THADA: variants seen among roughly 807,000 people sequenced by gnomAD.
THADA encodes THADA armadillo repeat containing.
In THADA, 213 loss-of-function variants were observed where a neutral mutation model predicts 219.8. That is an observed-to-expected ratio of 0.97 (90% CI 0.87 to 1.09). The LOEUF (loss-of-function observed/expected upper bound fraction) is 1.09, where lower values mean the gene tolerates loss of function less well. THADA is among the 50% of genes least tolerant of loss of function. The probability of loss-of-function intolerance (pLI) is 0.00; values close to 1 mark genes in which losing one functional copy is unlikely to be tolerated. For missense variants in THADA, 2,956 were observed against 2,311.3 expected, an observed-to-expected ratio of 1.28 and a Z score of -5.72; for synonymous variants, 1,018 against 828.9, an observed-to-expected ratio of 1.23 and a Z score of -3.92.
At chr2:43,345,720 C>A (rs1018489702) in intron 29 of THADA, among the ~76,000 whole-genome samples, 1 of 152,182 alleles carries the variant, frequency 6.6e-6, no homozygotes, top group African/African-American at 2.4e-5. Flanking sequence ...TTCTCTACAG[C>A]TGCACAAAAC....
intron 7 of THADA, among the ~76,000 whole-genome samples, chr2:43,583,423 C>T (rs578177002): frequency 6.6e-6 from 1 of 152,202 alleles, no homozygotes; most frequent in Non-Finnish European, 1.5e-5. Flanking sequence ...ACTGGTCTCT[C>T]GCAGCTTCTG....
At chr2:43,554,704 G>C (rs375915104) in intron 17 of THADA, among the ~76,000 whole-genome samples, 1 of 152,158 alleles carries the variant, frequency 6.6e-6, no homozygotes, top group African/African-American at 2.4e-5. Flanking sequence ...GTTGGTGAGA[G>C]TGTAATTTAA....
At chr2:43,578,851 T>C (rs1327464294) in intron 8 of THADA, among the ~76,000 whole-genome samples, 2 of 152,158 alleles carry the variant, frequency 1.3e-5, no homozygotes, top group Non-Finnish European at 2.9e-5. Flanking sequence ...AAACGCTTTT[T>C]AGAAGGAGTC....
Position 43,292,977 on chromosome 2 carries a change from G to T in THADA, c.4675C>A (p.Leu1559Ile). 6.2e-7 allele frequency: 1 copy of T among 1,614,030 alleles called. No individual in the cohort carries two copies. Among genetic ancestry groups the T allele is most frequent in the African/African-American group, 1.3e-5 (1 of 75,054 alleles). Reference sequence around the variant, plus strand: ...TTTTCCAAGAGGGCTTCCAGTGTTAGTGAGCGCACTTCAGGGAAGGCAGAT... The same window carrying T: ...TTTTCCAAGAGGGCTTCCAGTGTTATTGAGCGCACTTCAGGGAAGGCAGAT... Reference protein sequence around the residue: ...LESAFPEVRSLTLEALLEKFL... With the variant: ...LESAFPEVRSITLEALLEKFL... The change falls in exon 32 of 38, where the codon CTA becomes ATA. Residue 1559 changes from leucine to isoleucine, a missense_variant. Coordinates refer to ENST00000405975, the MANE Select transcript of THADA (RefSeq NM_022065.5).
intron 26 of THADA, among the ~76,000 whole-genome samples, chr2:43,460,634 A>C (rs2104927392): frequency 6.6e-6 from 1 of 152,330 alleles, no homozygotes; most frequent in Middle Eastern, 3.4e-3. Flanking sequence ...ACTCGTACAT[A>C]AAAGATACAA....
intron 26 of THADA, among the ~76,000 whole-genome samples, chr2:43,474,584 G>A (rs936970086): frequency 6.6e-6 from 1 of 152,128 alleles, no homozygotes; most frequent in African/African-American, 2.4e-5. Flanking sequence ...AAAAAATGTT[G>A]AATCATCTAA....
chr2:43,400,019 T>C (rs1176840201), intron 28 of THADA, among the ~76,000 whole-genome samples: 2 of 152,248 alleles, frequency 1.3e-5, no homozygotes, highest in Admixed American at 1.3e-4. Flanking sequence ...ACACTTTGTG[T>C]TACACTGTGT....
At chr2:43,271,906 C>T (rs771944077) in intron 36 of THADA, among the ~76,000 whole-genome samples, 1 of 152,122 alleles carries the variant, frequency 6.6e-6, no homozygotes, top group Non-Finnish European at 1.5e-5. Context: ...TGAGCCACCA[C>T]GCCCGGCCTC....
chr2:43,548,053 T>A (rs1291213953), intron 20 of THADA, among the ~76,000 whole-genome samples: 1 of 152,200 alleles, frequency 6.6e-6, no homozygotes, highest in Non-Finnish European at 1.5e-5. Context: ...GGTGTGGATG[T>A]CCTTTCTGTT....
chr2:43,481,458 TTTCA>T (rs1242988114), intron 26 of THADA, among the ~76,000 whole-genome samples: 1 of 152,210 alleles, frequency 6.6e-6, no homozygotes, highest in Non-Finnish European at 1.5e-5. Context: ...TTTGTTCCTC[TTTCA>T]ATCTACCTGT....
At chr2:43,353,656 T>G (rs180841049) in intron 29 of THADA, among the ~76,000 whole-genome samples, 58 of 152,218 alleles carry the variant, frequency 3.8e-4, no homozygotes, top group Non-Finnish European at 6.6e-4. Context: ...TTTTCACATT[T>G]TATTTTATTT....
In THADA at chr2:43,578,591, A is replaced by G; in HGVS notation, c.738T>C (p.Thr246=). 6.2e-7 allele frequency: 1 copy of G among 1,602,850 alleles called. No individual in the cohort carries two copies. The change falls in exon 9 of 38, where the codon ACT becomes ACC. Residue 246 remains threonine (T), a synonymous_variant. Transcript: ENST00000405975. The stretch of plus-strand genomic sequence containing the variant: ...TAGCTAATCCAGATGTGCTCTGTAC[A>G]GTCTGTAACAGATCATCTATTTGGC... ...KVLSDDDLLQ[T]VQSTSGLAII... is the part of the protein sequence containing the mutation.
At position 43,233,201 on chromosome 2, in the gene THADA, G is replaced by C. The variant is rs537413219; in HGVS notation, c.5297-319C>G. Reference sequence around the variant, plus strand: ...CAGTGTCACCAGAAGGATCAGGAAGGCTTCCCTGTCCAGTGTCTCCTCTGC... The same window carrying C: ...CAGTGTCACCAGAAGGATCAGGAAGCCTTCCCTGTCCAGTGTCTCCTCTGC... On this transcript the variant is annotated intron_variant, in intron 36 of 37. Coordinates refer to ENST00000405975, the MANE Select transcript of THADA (RefSeq NM_022065.5). 4.2e-5 allele frequency: 12 copies of C among 284,250 alleles called. No individual in the cohort carries two copies. The South Asian group carries it at 5.9e-4, about 14-fold the overall frequency. 17.6% of individuals were successfully genotyped at this position (284,250 alleles called of 1,614,324 possible). A position where few individuals can be genotyped will look rare whatever the true frequency, so the allele number is the denominator to read the frequency against.
At chr2:43,275,780 C>T (rs1672665002) in intron 36 of THADA, among the ~76,000 whole-genome samples, 1 of 152,212 alleles carries the variant, frequency 6.6e-6, no homozygotes, top group Non-Finnish European at 1.5e-5. Context: ...AAGGCAGCTT[C>T]ACAAATTTGT....
chr2:43,268,123 C>G (rs1671728833), intron 36 of THADA, among the ~76,000 whole-genome samples: 1 of 152,226 alleles, frequency 6.6e-6, no homozygotes, highest in African/African-American at 2.4e-5. Flanking sequence ...TCCTGTAGAT[C>G]AGCCTCACAA....
At chr2:43,290,240 G>A (rs1188024601) in intron 34 of THADA, among the ~76,000 whole-genome samples, 2 of 151,588 alleles carry the variant, frequency 1.3e-5, no homozygotes, top group African/African-American at 4.8e-5. Flanking sequence ...CTAAAGTGCT[G>A]GGATTACAGG....
Position 43,422,892 on chromosome 2 carries a change from A to T in THADA, c.4058+5208T>A, listed in dbSNP as rs529757864. Among the ~76,000 whole-genome samples the T allele has an allele frequency of 1.3e-4, 20 of 152,216 alleles. 1 individual carries two copies. On this transcript the variant is annotated intron_variant, in intron 28 of 37. Transcript: ENST00000405975. ...AAATCACCAAGTCTGGCTAATTTTT[A>T]AAATTTTTTGTAGAGACAGGTTCTC...
chr2:43,559,632 T>A (rs1697819054), intron 16 of THADA, among the ~76,000 whole-genome samples: 1 of 152,144 alleles, frequency 6.6e-6, no homozygotes, highest in South Asian at 2.1e-4. Flanking sequence ...CCACACAATG[T>A]GTTCACTTCC....
intron 24 of THADA, among the ~76,000 whole-genome samples, chr2:43,503,509 T>C: frequency 6.6e-6 from 1 of 152,148 alleles, no homozygotes; most frequent in East Asian, 1.9e-4. Flanking sequence ...TAGTCACTAA[T>C]TTGGGTTAGT....
Sources: gnomAD v4.1 joint callset for allele counts (sites outside exome capture counted in the v4.1 genomes callset) on GRCh38, gnomAD v4.1.1 for gene constraint, MANE v1.5 for transcripts, NCBI Gene and HGNC (gene_info 2026-07-23, HGNC 2026-07-21) for gene names.